LHPP: variants seen among roughly 807,000 people sequenced by gnomAD.
LHPP encodes phospholysine phosphohistidine inorganic pyrophosphate phosphatase, also known as hLHPP.
In LHPP, 24 loss-of-function variants were observed where a neutral mutation model predicts 30.3. The ratio of observed to expected loss-of-function variants is 0.79; its 90% CI spans 0.57 to 1.11. LHPP has a LOEUF of 1.11. Ranked by LOEUF, LHPP falls within the 50% of genes most tolerant of loss-of-function variation. The probability of loss-of-function intolerance (pLI) is 0.00; values close to 1 mark genes in which losing one functional copy is unlikely to be tolerated. For synonymous variants in LHPP, 150 were observed against 157.1 expected (o/e 0.95, Z 0.34); for missense variants, 356 against 367.2 (o/e 0.97, Z 0.25).
chr10:124,605,920 G>T (rs1297126634), intron 6 of LHPP, among the ~76,000 whole-genome samples: 2 of 152,118 alleles, frequency 1.3e-5, no homozygotes, highest in African/African-American at 4.8e-5. Flanking sequence ...TCACCCTGTG[G>T]GTTCCGGTGG....
intron 1 of LHPP, among the ~76,000 whole-genome samples, chr10:124,480,436 G>A (rs1224139453): frequency 6.6e-6 from 1 of 152,210 alleles, no homozygotes; most frequent in Non-Finnish European, 1.5e-5. Context: ...CACATCTGAA[G>A]TTGTGTTTGG....
At chr10:124,581,126 G>A (rs10901773) in intron 6 of LHPP, among the ~76,000 whole-genome samples, 73,836 of 151,944 alleles carry the variant, frequency 0.49, 17,944 homozygotes, top group South Asian at 0.53. Context: ...GGGTTTCCCT[G>A]TTCTAAATAT....
At chr10:124,597,578 G>A (rs1432616541) in intron 6 of LHPP, among the ~76,000 whole-genome samples, 1 of 152,242 alleles carries the variant, frequency 6.6e-6, no homozygotes, top group East Asian at 1.9e-4. Flanking sequence ...CCAGAGCACT[G>A]TGGGAGGACT....
chr10:124,523,757 G>A lies in LHPP; in HGVS notation c.716+6486G>A, dbSNP rs1954666436. ...GCCAGGGCAATCCGAGCCAGCCCCG[G>A]TGGAGAGAAAGGGCCAGTGCTGGGC... On this transcript the variant is annotated intron_variant, in intron 6 of 6. Transcript: ENST00000368842. This position sits in a 1 kb window ranked among gnomAD's most constrained non-coding sequence, Gnocchi z 4.2. Among the ~76,000 whole-genome samples, 1 of 152,192 alleles carries A rather than the reference G, an allele frequency of 6.6e-6. No individual in the cohort carries two copies. The highest frequency in any genetic ancestry group is 1.5e-5 in the Non-Finnish European group (1 of 68,036).
intron 1 of LHPP, among the ~76,000 whole-genome samples, chr10:124,465,961 GT>G (rs1952542411): frequency 6.6e-6 from 1 of 152,280 alleles, no homozygotes; most frequent in African/African-American, 2.4e-5. Flanking sequence ...CTCTGTGAGA[GT>G]TTGTGGAAAC....
chr10:124,594,618 A>G lies in LHPP; in HGVS notation c.717-18646A>G, dbSNP rs139271341. 3.8e-3 allele frequency among the ~76,000 whole-genome samples: 557 copies of G among 147,260 alleles called. 3 individuals are homozygous for G. Among genetic ancestry groups the G allele is most frequent in the African/African-American group, 0.013 (534 of 40,392 alleles). On this transcript the variant is annotated intron_variant, in intron 6 of 6. Coordinates refer to ENST00000368842, the MANE Select transcript of LHPP (RefSeq NM_022126.4). Reference sequence around the variant, plus strand: ...CAATTCCTATAGCTTTTTTCCTTCAATTCAGTAAACTTTTTTTTTTTTTTT... The same window carrying G: ...CAATTCCTATAGCTTTTTTCCTTCAGTTCAGTAAACTTTTTTTTTTTTTTT...
At position 124,478,696 on chromosome 10, in the gene LHPP, G is replaced by A. The variant is rs923352077; in HGVS notation, c.126-5443G>A. On this transcript the variant is annotated intron_variant, in intron 1 of 6. Coordinates refer to ENST00000368842, the MANE Select transcript of LHPP (RefSeq NM_022126.4). The surrounding 1 kb of genome is among the most constrained non-coding windows in gnomAD (Gnocchi z 4.7). ...ATCTGATGCACGGTAATTGCCCCGG[G>A]CGATGTTGTCACTCAGAGGCTCGTC... 2.6e-5 allele frequency among the ~76,000 whole-genome samples: 4 copies of A among 152,216 alleles called. No individual in the cohort carries two copies. The highest frequency in any genetic ancestry group is 6.5e-5 in the Admixed American group (1 of 15,286).
rs557096544 is a variant in LHPP, at chr10:124,595,196, G to A, written c.717-18068G>A. On this transcript the variant is annotated intron_variant, in intron 6 of 6. Coordinates refer to ENST00000368842, the MANE Select transcript of LHPP (RefSeq NM_022126.4). The stretch of plus-strand genomic sequence containing the variant: ...CTGCATGGGGGTTCTGGGCAGGGTT[G>A]GGGGGTGAACACTGGAGAGGGATCA... Among the ~76,000 whole-genome samples, 6 of 152,264 alleles carry A rather than the reference G, an allele frequency of 3.9e-5. No individual in the cohort carries two copies. The East Asian group carries it at 9.7e-4, about 25-fold the overall frequency.
intron 6 of LHPP, among the ~76,000 whole-genome samples, chr10:124,558,356 C>G (rs1179139571): frequency 6.6e-6 from 1 of 152,254 alleles, no homozygotes; most frequent in African/African-American, 2.4e-5. Context: ...CTATGCACAG[C>G]CCTTACGAGA....
At chr10:124,578,960 G>A (rs1297509910) in intron 6 of LHPP, among the ~76,000 whole-genome samples, 6 of 62,014 alleles carry the variant, frequency 9.7e-5, no homozygotes, top group Admixed American at 2.3e-4. Flanking sequence ...AGGATAGCAC[G>A]GACGGGGGGG....
At chr10:124,472,943 T>C (rs1419387902) in intron 1 of LHPP, among the ~76,000 whole-genome samples, 1 of 152,128 alleles carries the variant, frequency 6.6e-6, no homozygotes, top group African/African-American at 2.4e-5. Flanking sequence ...AATCACAAAC[T>C]TGAACTGTAT....
chr10:124,503,362 G>A (rs878874509), intron 5 of LHPP, among the ~76,000 whole-genome samples: 3 of 152,096 alleles, frequency 2.0e-5, no homozygotes, highest in Middle Eastern at 3.4e-3. Flanking sequence ...CACCACATCC[G>A]GCCTTCATTG....
chr10:124,609,134 G>A (rs1276290190), intron 6 of LHPP, among the ~76,000 whole-genome samples: 1 of 152,212 alleles, frequency 6.6e-6, no homozygotes, highest in East Asian at 1.9e-4. Context: ...GCTTCCATTT[G>A]GTCTCTCTTG....
At position 124,563,243 on chromosome 10, in the gene LHPP, G is replaced by C. The variant is rs542550990; in HGVS notation, c.716+45972G>C. Reference sequence around the variant, plus strand: ...ATCCAGGTGTCCTTCAGTGGGTGACGAGAGGAACTACATCCATGTCATGCA... The same window carrying C: ...ATCCAGGTGTCCTTCAGTGGGTGACCAGAGGAACTACATCCATGTCATGCA... On this transcript the variant is annotated intron_variant, in intron 6 of 6. Coordinates refer to ENST00000368842, the MANE Select transcript of LHPP (RefSeq NM_022126.4). Among the ~76,000 whole-genome samples the C allele has an allele frequency of 2.6e-5, 4 of 151,382 alleles. No homozygotes were observed. The East Asian group carries it at 7.8e-4, about 29-fold the overall frequency.
At position 124,602,724 on chromosome 10, in the gene LHPP, GC is replaced by G. The variant is rs957997336; in HGVS notation, c.717-10534del. On this transcript the variant is annotated intron_variant, in intron 6 of 6. Coordinates refer to ENST00000368842, the MANE Select transcript of LHPP (RefSeq NM_022126.4). ...AAGGGGGTTCAGTTAGCCCAGCCCT[GC>G]CCCCCAATGGAAGAAAATTGGGGTT... Among the ~76,000 whole-genome samples the G allele has an allele frequency of 1.7e-4, 26 of 152,188 alleles. 1 individual carries two copies. The highest frequency in any genetic ancestry group is 7.2e-4 in the Admixed American group (11 of 15,286).
chr10:124,568,597 C>T (rs977469366), intron 6 of LHPP, among the ~76,000 whole-genome samples: 1 of 152,180 alleles, frequency 6.6e-6, no homozygotes, highest in Non-Finnish European at 1.5e-5. Flanking sequence ...CTCCGAATAC[C>T]GATGGAGGCT....
chr10:124,517,332 C>G lies in LHPP; in HGVS notation c.716+61C>G. On this transcript the variant is annotated intron_variant, in intron 6 of 6. Coordinates refer to ENST00000368842, the MANE Select transcript of LHPP (RefSeq NM_022126.4). This position sits in a 1 kb window ranked among gnomAD's most constrained non-coding sequence, Gnocchi z 4.1. ...TCCAGGGGATGACCACATTCTCATTCTGTTTTGTTCTTCAAAATAAAGGGG... is the reference window on the plus strand; with the variant it reads ...TCCAGGGGATGACCACATTCTCATTGTGTTTTGTTCTTCAAAATAAAGGGG... 9.3e-7 allele frequency: 1 copy of G among 1,080,650 alleles called. No individual in the cohort carries two copies. Among genetic ancestry groups the G allele is most frequent in the Middle Eastern group, 2.1e-4 (1 of 4,692 alleles). 66.9% of individuals were successfully genotyped at this position (1,080,650 alleles called of 1,614,324 possible). A position where few individuals can be genotyped will look rare whatever the true frequency, so the allele number is the denominator to read the frequency against.
intron 6 of LHPP, among the ~76,000 whole-genome samples, chr10:124,595,866 T>A (rs969477275): frequency 6.6e-6 from 1 of 152,194 alleles, no homozygotes; most frequent in Non-Finnish European, 1.5e-5. Flanking sequence ...GTGTGGCTGA[T>A]GAATCTGTAC....
At chr10:124,462,022 A>T in intron 1 of LHPP, 35 bp downstream of exon 1, 1 of 1,197,680 alleles carries the variant, frequency 8.3e-7, no homozygotes, top group Non-Finnish European at 1.0e-6. Context: ...GGGGCCGCCG[A>T]GCTCTAAGCT....
Sources: allele counts gnomAD v4.1 joint callset (sites outside exome capture counted in the v4.1 genomes callset), GRCh38; gene constraint gnomAD v4.1.1; non-coding constraint Gnocchi (gnomAD v3.1); transcripts MANE v1.5; gene names NCBI Gene and HGNC (gene_info 2026-07-23, HGNC 2026-07-21).